The following PAPPA2 variants were observed in gnomAD, a reference collection of about 807,000 sequenced individuals.
PAPPA2 encodes pappalysin 2, also known as pappalysin-2.
A neutral mutation model predicts 176.4 loss-of-function variants in PAPPA2; 86 were observed. The ratio of observed to expected loss-of-function variants is 0.49; its 90% CI spans 0.41 to 0.58. The LOEUF (loss-of-function observed/expected upper bound fraction) is 0.58, where lower values mean the gene tolerates loss of function less well. Ranked by LOEUF, PAPPA2 falls within the 20% of genes least tolerant of loss-of-function variation. The pLI is 0.00. For synonymous variants in PAPPA2, 809 were observed against 852.2 expected (o/e 0.95, Z 0.88); for missense variants, 2,073 against 2,256.9 (o/e 0.92, Z 1.65).
chr1:176,623,828 TC>T (rs1655848748), intron 3 of PAPPA2, among the ~76,000 whole-genome samples: 1 of 146,972 alleles, frequency 6.8e-6, no homozygotes, highest in South Asian at 2.2e-4. Context: ...CTTCTCTCTC[TC>T]TCTCTGTCTC....
chr1:176,791,602 G>A, intron 19 of PAPPA2, 120 bp downstream of exon 19: 1 of 1,171,356 alleles, frequency 8.5e-7, no homozygotes, highest in Non-Finnish European at 1.2e-6. Flanking sequence ...CGCCCAGGCT[G>A]GGGTGCAGTG....
chr1:176,514,334 A>G (rs1648781718), intron 1 of PAPPA2, among the ~76,000 whole-genome samples: 1 of 152,094 alleles, frequency 6.6e-6, no homozygotes, highest in South Asian at 2.1e-4. Context: ...ACAGAGAGGG[A>G]ACCCACTAGT....
intron 17 of PAPPA2, among the ~76,000 whole-genome samples, chr1:176,772,900 T>C (rs1325821543): frequency 6.6e-6 from 1 of 152,186 alleles, no homozygotes; most frequent in East Asian, 1.9e-4. Context: ...AGCAGCCACC[T>C]CAGATATCTG....
chr1:176,770,660 A>T (rs939960934), intron 16 of PAPPA2, among the ~76,000 whole-genome samples: 3 of 152,200 alleles, frequency 2.0e-5, no homozygotes, highest in Non-Finnish European at 4.4e-5. Flanking sequence ...TGATAACATC[A>T]CTGCTATATT....
At position 176,705,351 on chromosome 1, in the gene PAPPA2, C is replaced by T. The variant is rs1335834655; in HGVS notation, c.3366-1008C>T. On this transcript the variant is annotated intron_variant, in intron 9 of 22. Coordinates refer to ENST00000367662, the MANE Select transcript of PAPPA2 (RefSeq NM_020318.3). The stretch of plus-strand genomic sequence containing the variant: ...CTGTATTCATAGCATACATTTAATT[C>T]ATTTTAAACCATTCTCATTTCTAAT... 2.6e-5 allele frequency among the ~76,000 whole-genome samples: 4 copies of T among 152,256 alleles called. No individual in the cohort carries two copies. In the East Asian group the frequency reaches 7.7e-4, roughly 29 times the overall value.
intron 21 of PAPPA2, 56 bp downstream of exon 21, chr1:176,800,188 T>C (rs1409855369): frequency 6.4e-7 from 1 of 1,560,724 alleles, no homozygotes; most frequent in African/African-American, 1.4e-5. Context: ...GGATTTAACT[T>C]ATGGAGCTTG....
chr1:176,627,506 A>G (rs1027709950), intron 3 of PAPPA2, among the ~76,000 whole-genome samples: 2 of 152,226 alleles, frequency 1.3e-5, no homozygotes, highest in Non-Finnish European at 2.9e-5. Context: ...CACTGCCTCC[A>G]AGTTTTCATT....
chr1:176,607,389 A>G (rs894228967), intron 3 of PAPPA2, among the ~76,000 whole-genome samples: 3 of 152,182 alleles, frequency 2.0e-5, no homozygotes, highest in African/African-American at 7.2e-5. Flanking sequence ...AGCCTCTAGT[A>G]TCTATCATTC....
chr1:176,480,051 T>TC lies in PAPPA2; in HGVS notation c.-917+16634dup, dbSNP rs551321091. 6.6e-5 allele frequency among the ~76,000 whole-genome samples: 10 copies of TC among 152,214 alleles called. No individual in the cohort carries two copies. The South Asian group carries it at 2.1e-3, about 32-fold the overall frequency. ...TGGCATTTCCAGCTGCCTGACAACC[T>TC]CTGTAGCCTAGTGTTGAACACTGGT... On this transcript the variant is annotated intron_variant, in intron 1 of 22. Transcript: ENST00000367662.
intron 3 of PAPPA2, among the ~76,000 whole-genome samples, chr1:176,634,919 AGAT>A (rs998975692): frequency 4.9e-4 from 42 of 85,718 alleles, no homozygotes; most frequent in South Asian, 3.3e-3. Flanking sequence ...CATGACAGAT[AGAT>A]GATGATGATG....
intron 1 of PAPPA2, among the ~76,000 whole-genome samples, chr1:176,470,287 T>C (rs1025280135): frequency 6.6e-6 from 1 of 152,176 alleles, no homozygotes; most frequent in Non-Finnish European, 1.5e-5. Context: ...TTTCCCCTGG[T>C]GGGCATCTAT....
intron 3 of PAPPA2, among the ~76,000 whole-genome samples, chr1:176,625,182 T>A (rs1296881000): frequency 1.3e-5 from 2 of 152,074 alleles, no homozygotes; most frequent in Non-Finnish European, 2.9e-5. Context: ...GGACACTGAG[T>A]CTGACAGCAT....
intron 10 of PAPPA2, 78 bp from the exon 11 acceptor site, chr1:176,709,905 T>C (rs529479100): frequency 1.5e-6 from 2 of 1,327,088 alleles, no homozygotes; most frequent in African/African-American, 2.9e-5. Context: ...GAAGAAGTGT[T>C]GTGGACATTC....
At chr1:176,669,510 T>C (rs1423765234) in intron 3 of PAPPA2, among the ~76,000 whole-genome samples, 1 of 152,086 alleles carries the variant, frequency 6.6e-6, no homozygotes, top group Non-Finnish European at 1.5e-5. Flanking sequence ...TCAGAAAACA[T>C]TGTGTCTTCA....
intron 19 of PAPPA2, among the ~76,000 whole-genome samples, chr1:176,791,717 C>G (rs2102939149): frequency 6.6e-6 from 1 of 152,196 alleles, no homozygotes; most frequent in Non-Finnish European, 1.5e-5. Flanking sequence ...CCACACCTGG[C>G]TAATTTTTGT....
At chr1:176,789,707 C>T in intron 17 of PAPPA2, 102 bp from the exon 18 acceptor site, 1 of 1,316,148 alleles carries the variant, frequency 7.6e-7, no homozygotes, top group Non-Finnish European at 1.1e-6. Context: ...ACCATCTGTC[C>T]CTGCCTATTT....
chr1:176,710,628 A>G (rs1338984674), intron 11 of PAPPA2, among the ~76,000 whole-genome samples: 1 of 152,122 alleles, frequency 6.6e-6, no homozygotes, highest in Admixed American at 6.5e-5. Context: ...CATCTATGAG[A>G]TATAGTTGAA....
chr1:176,701,062 A>G (rs1660633531), intron 8 of PAPPA2, among the ~76,000 whole-genome samples: 1 of 151,868 alleles, frequency 6.6e-6, no homozygotes, highest in South Asian at 2.1e-4. Context: ...ACACACACAC[A>G]CACACACACA....
At chr1:176,691,172 A>G in intron 5 of PAPPA2, 1 of 983,258 alleles carries the variant, frequency 1.0e-6, no homozygotes, top group African/African-American at 1.7e-5. Flanking sequence ...ACTCAAAGTT[A>G]TCCCTAAAAT....
Sources: allele counts gnomAD v4.1 joint callset (sites outside exome capture counted in the v4.1 genomes callset), GRCh38; gene constraint gnomAD v4.1.1; transcripts MANE v1.5; gene names NCBI Gene and HGNC (gene_info 2026-07-23, HGNC 2026-07-21).